SH3D19: variants seen among roughly 807,000 people sequenced by gnomAD.
SH3D19 encodes SH3 domain containing 19, also known as SH3 domain-containing protein 19.
Under a neutral mutation model 112.1 loss-of-function variants are expected in SH3D19, and 58 were observed. The observed-to-expected ratio is 0.52, with a 90% confidence interval of 0.42 to 0.64. SH3D19 has a LOEUF of 0.64. Among genes scored for constraint, SH3D19 ranks in the 30% least tolerant of loss-of-function variants. SH3D19 has a pLI of 0.00. For missense variants in SH3D19, 1,090 were observed against 1,263.4 expected (o/e 0.86, Z 2.08); for synonymous variants, 391 against 448.5 (o/e 0.87, Z 1.62).
intron 1 of SH3D19, among the ~76,000 whole-genome samples, chr4:151,251,156 C>T (rs1771346508): frequency 6.6e-6 from 1 of 151,714 alleles, no homozygotes; most frequent in Non-Finnish European, 1.5e-5. Flanking sequence ...TTTTAAGCAT[C>T]CCACCTTGCC....
chr4:151,270,758 A>G (rs1048848820), intron 1 of SH3D19, among the ~76,000 whole-genome samples: 2 of 152,210 alleles, frequency 1.3e-5, no homozygotes, highest in African/African-American at 4.8e-5. Context: ...CTGAAATGTC[A>G]TTATGAGGCA....
rs748025033 is a variant in SH3D19 at position 151,283,321 on chromosome 4, A to G, written c.112+41920T>C. ...TGCTCTAGAGAATTTTTTTTTAAACATGAGATCTTAATTTGGATCCAGGTT... is the reference window on the plus strand; with the variant it reads ...TGCTCTAGAGAATTTTTTTTTAAACGTGAGATCTTAATTTGGATCCAGGTT... On this transcript the variant is annotated intron_variant, in intron 1 of 19. Coordinates refer to ENST00000604030, the MANE Select transcript of SH3D19 (RefSeq NM_001378122.1). The G allele has an allele frequency of 5.6e-6, 9 of 1,599,056 alleles. No homozygotes were observed. In the East Asian group the frequency reaches 1.1e-4, roughly 20 times the overall value.
At chr4:151,275,810 C>A (rs1188031390) in intron 1 of SH3D19, among the ~76,000 whole-genome samples, 1 of 150,976 alleles carries the variant, frequency 6.6e-6, no homozygotes, top group East Asian at 1.9e-4. Flanking sequence ...CGTAAGCTAC[C>A]ACGCCCAGCC....
chr4:151,279,271 T>C lies in SH3D19; in HGVS notation c.112+45970A>G, dbSNP rs116787991. ...TTTTTAGAGACCTGGTTTCACTATA[T>C]TGCCCAGGCCTCAAGCAGTTCTCCC... On this transcript the variant is annotated intron_variant, in intron 1 of 19. Coordinates refer to ENST00000604030, the MANE Select transcript of SH3D19 (RefSeq NM_001378122.1). The C allele has an allele frequency of 4.5e-3, 964 of 213,208 alleles. 4 individuals carry two copies. Among genetic ancestry groups the C allele is most frequent in the Non-Finnish European group, 7.0e-3 (763 of 108,936 alleles). 13.2% of individuals were successfully genotyped at this position (213,208 alleles called of 1,614,324 possible). A position where few individuals can be genotyped will look rare whatever the true frequency, so the allele number is the denominator to read the frequency against.
chr4:151,133,929 TG>T (rs1349106246), intron 15 of SH3D19, among the ~76,000 whole-genome samples: 1 of 152,176 alleles, frequency 6.6e-6, no homozygotes, highest in African/African-American at 2.4e-5. Flanking sequence ...CTCTAGAAGG[TG>T]TGCTTTAATA....
At chr4:151,277,332 G>C in intron 1 of SH3D19, 1 of 856,954 alleles carries the variant, frequency 1.2e-6, no homozygotes, top group Non-Finnish European at 1.6e-6. Context: ...GTTATGAGTA[G>C]CACAGCCTGA....
At chr4:151,216,335 A>G (rs1217958689) in intron 2 of SH3D19, among the ~76,000 whole-genome samples, 1 of 151,980 alleles carries the variant, frequency 6.6e-6, no homozygotes, top group African/African-American at 2.4e-5. Flanking sequence ...AAGGGAAAAT[A>G]TTTGAATAAA....
At chr4:151,203,205 GTGCCA>G (rs921958144) in intron 2 of SH3D19, among the ~76,000 whole-genome samples, 1 of 152,054 alleles carries the variant, frequency 6.6e-6, no homozygotes, top group Non-Finnish European at 1.5e-5. Flanking sequence ...CGCAGCATCG[GTGCCA>G]CTGACCCCAT....
chr4:151,259,835 T>C (rs1368067818), intron 1 of SH3D19, among the ~76,000 whole-genome samples: 1 of 152,190 alleles, frequency 6.6e-6, no homozygotes, highest in African/African-American at 2.4e-5. Flanking sequence ...TTTAACATTA[T>C]CTTGATTGAA....
chr4:151,278,659 C>T (rs1400417870), intron 1 of SH3D19, among the ~76,000 whole-genome samples: 1 of 152,012 alleles, frequency 6.6e-6, no homozygotes, highest in Non-Finnish European at 1.5e-5. Flanking sequence ...CAGACAGGGT[C>T]TCACTCTCTC....
At chr4:151,168,070 G>C (rs1758408047) in intron 7 of SH3D19, among the ~76,000 whole-genome samples, 1 of 152,230 alleles carries the variant, frequency 6.6e-6, no homozygotes, top group African/African-American at 2.4e-5. Context: ...GAATATAGCA[G>C]TGAACAAAGC....
chr4:151,292,063 C>T (rs1445654649), intron 1 of SH3D19, among the ~76,000 whole-genome samples: 1 of 152,156 alleles, frequency 6.6e-6, no homozygotes, highest in African/African-American at 2.4e-5. Flanking sequence ...AATCCCAACA[C>T]TTTGGGAGGC....
chr4:151,242,084 A>C (rs1770601880), intron 1 of SH3D19, among the ~76,000 whole-genome samples: 3 of 151,978 alleles, frequency 2.0e-5, no homozygotes. Flanking sequence ...TCAGCAACTC[A>C]AGAGGCTGAG....
At chr4:151,299,273 T>C (rs750729419) in intron 1 of SH3D19, among the ~76,000 whole-genome samples, 1 of 152,212 alleles carries the variant, frequency 6.6e-6, no homozygotes, top group Non-Finnish European at 1.5e-5. Flanking sequence ...AATGAAAACA[T>C]TGTGGCCTTA....
intron 1 of SH3D19, among the ~76,000 whole-genome samples, chr4:151,263,437 C>T (rs558374996): frequency 4.6e-5 from 7 of 152,210 alleles, no homozygotes; most frequent in South Asian, 4.1e-4. Flanking sequence ...CGGGCCAGGC[C>T]GGAGGAGGAG....
At chr4:151,147,537 C>G (rs769726509) in intron 11 of SH3D19, among the ~76,000 whole-genome samples, 17 of 152,204 alleles carry the variant, frequency 1.1e-4, no homozygotes, top group Non-Finnish European at 2.5e-4. Flanking sequence ...TCTTGGCTCA[C>G]TGCAACCTCT....
chr4:151,122,847 CT>C (rs760704406), intron 19 of SH3D19, among the ~76,000 whole-genome samples: 4,696 of 120,658 alleles, frequency 0.039, 91 homozygotes, highest in African/African-American at 0.13. Flanking sequence ...ATTTTAGAGA[CT>C]TTTTTTTTTT....
intron 1 of SH3D19, among the ~76,000 whole-genome samples, chr4:151,307,455 C>T (rs1302530510): frequency 6.6e-6 from 1 of 152,204 alleles, no homozygotes; most frequent in East Asian, 1.9e-4. Context: ...GCGCAGCCCT[C>T]GTGAGCCCAA....
intron 2 of SH3D19, among the ~76,000 whole-genome samples, chr4:151,216,876 A>AGT (rs1767192501): frequency 8.3e-6 from 1 of 119,956 alleles, no homozygotes; most frequent in East Asian, 2.4e-4. Context: ...ACAAAACAAC[A>AGT]CTGTGTGTGT....
Sources: gnomAD v4.1 joint callset for allele counts (sites outside exome capture counted in the v4.1 genomes callset) on GRCh38, gnomAD v4.1.1 for gene constraint, MANE v1.5 for transcripts, NCBI Gene and HGNC (gene_info 2026-07-23, HGNC 2026-07-21) for gene names.